Variants in KIDINS220 observed in about 807,000 individuals in gnomAD.
KIDINS220 encodes kinase D interacting substrate 220.
In KIDINS220, 63 loss-of-function variants were observed where a neutral mutation model predicts 157.6. The ratio of observed to expected loss-of-function variants is 0.40; its 90% confidence interval spans 0.33 to 0.49. KIDINS220 has a LOEUF of 0.49. Among genes scored for constraint, KIDINS220 ranks in the 20% least tolerant of loss-of-function variants. The pLI is 0.66. For missense variants in KIDINS220, 1,772 were observed against 2,171.2 expected, an observed-to-expected ratio of 0.82 and a Z score of 3.65; for synonymous variants, 732 against 783.6, an observed-to-expected ratio of 0.93 and a Z score of 1.10.
intron 11 of KIDINS220, among the ~76,000 whole-genome samples, chr2:8,794,662 T>C (rs891919586): frequency 3.0e-4 from 45 of 152,216 alleles, no homozygotes; most frequent in African/African-American, 1.1e-3. Flanking sequence ...CCAATCACAT[T>C]AGTGCTCACA....
intron 15 of KIDINS220, among the ~76,000 whole-genome samples, chr2:8,788,322 G>A (rs1172180094): frequency 6.6e-6 from 1 of 151,284 alleles, no homozygotes; most frequent in Non-Finnish European, 1.5e-5. Context: ...AGGCTGGAGT[G>A]CAATGGCGCG....
At chr2:8,763,196 G>A (rs1047414600) in intron 22 of KIDINS220, among the ~76,000 whole-genome samples, 1 of 152,184 alleles carries the variant, frequency 6.6e-6, no homozygotes, top group Non-Finnish European at 1.5e-5. Flanking sequence ...CAGGCTCCTG[G>A]CCCCAAGAAA....
At chr2:8,759,613 A>T (rs1016235859) in intron 22 of KIDINS220, among the ~76,000 whole-genome samples, 1 of 150,194 alleles carries the variant, frequency 6.7e-6, no homozygotes, top group African/African-American at 2.5e-5. Flanking sequence ...CAGGGAGGGT[A>T]AAAGATAAAA....
chr2:8,779,931 T>A (rs919763880), intron 17 of KIDINS220, 117 bp from the exon 18 acceptor site: 2 of 1,006,004 alleles, frequency 2.0e-6, no homozygotes, highest in African/African-American at 3.2e-5. Context: ...TTCAAAGTCC[T>A]TGCTGCCAGT....
intron 6 of KIDINS220, among the ~76,000 whole-genome samples, chr2:8,809,762 T>C (rs977973811): frequency 6.6e-6 from 1 of 151,846 alleles, no homozygotes; most frequent in African/African-American, 2.4e-5. Flanking sequence ...CATAGAAACC[T>C]CCCTATTTCT....
chr2:8,836,989 C>T (rs1680506320), intron 1 of KIDINS220, among the ~76,000 whole-genome samples: 1 of 152,046 alleles, frequency 6.6e-6, no homozygotes, highest in South Asian at 2.1e-4. Flanking sequence ...TTTTGCCAGG[C>T]GTTTAAAAGC....
At chr2:8,749,340 G>A (rs1264835308) in intron 24 of KIDINS220, 1 of 449,368 alleles carries the variant, frequency 2.2e-6, no homozygotes, top group Non-Finnish European at 4.5e-6. Flanking sequence ...ACTAAAGAGG[G>A]AGATAGCAAA....
intron 1 of KIDINS220, 73 bp from the exon 2 acceptor site, chr2:8,827,202 C>A: frequency 1.7e-6 from 1 of 603,106 alleles, no homozygotes; most frequent in South Asian, 2.3e-5. Flanking sequence ...CAATATCCTT[C>A]TTAACATTAA....
chr2:8,812,541 G>A, intron 5 of KIDINS220, 48 bp from the exon 6 acceptor site: 5 of 1,079,906 alleles, frequency 4.6e-6, no homozygotes, highest in South Asian at 1.8e-5. Flanking sequence ...TAGGAAGGAA[G>A]GAAAGAAAGA....
At chr2:8,757,628 A>G (rs1427270376) in intron 22 of KIDINS220, 1 of 1,607,382 alleles carries the variant, frequency 6.2e-7, no homozygotes, top group Non-Finnish European at 8.5e-7. Flanking sequence ...AGATAACCCA[A>G]GTGAATGTGC....
Position 8,779,714 on chromosome 2 carries a change from T to A in KIDINS220, c.2330A>T (p.Asp777Val). 1 of 1,614,172 alleles carries A rather than the reference T, an allele frequency of 6.2e-7. No individual in the cohort carries two copies. Among genetic ancestry groups the A allele is most frequent in the Non-Finnish European group, 8.5e-7 (1 of 1,180,008 alleles). The change falls in exon 18 of 30, where the codon GAT becomes GTT. Residue 777 changes from aspartate to valine, a missense_variant. Physicochemically the swap from Asp to Val is radical, Grantham distance 152. Transcript: ENST00000256707. Reference protein sequence around the residue: ...TRLVVIIDGLDACEQDKVLQM... With the variant: ...TRLVVIIDGLVACEQDKVLQM... The stretch of plus-strand genomic sequence containing the variant: ...AAGGACTTTGTCCTGCTCACAGGCA[T>A]CTAATCCATCGATGATGACCACCAG...
At chr2:8,772,657 T>G (rs1012363654) in intron 21 of KIDINS220, among the ~76,000 whole-genome samples, 3 of 152,216 alleles carry the variant, frequency 2.0e-5, no homozygotes, top group African/African-American at 7.2e-5. Context: ...TAAGATAATT[T>G]TTTAATCTTA....
At position 8,813,341 on chromosome 2, in the gene KIDINS220, C is replaced by CA; in HGVS notation, c.307-7dup. The CA allele has an allele frequency of 6.3e-7, 1 of 1,595,200 alleles. No individual in the cohort carries two copies. The highest frequency in any genetic ancestry group is 8.5e-7 in the Non-Finnish European group (1 of 1,169,840). ...ATAAGAGCTGTCCATCCTCCCTAAACAAAAAATGTAGGGGTAAGGGAATCA... is the reference window on the plus strand; with the variant it reads ...ATAAGAGCTGTCCATCCTCCCTAAACAAAAAAATGTAGGGGTAAGGGAATCA... On this transcript the variant is annotated splice_region_variant and splice_polypyrimidine_tract_variant and intron_variant, in intron 4 of 29. Transcript: ENST00000256707.
Position 8,729,313 on chromosome 2 carries a change from T to C in KIDINS220, c.*1407A>G. 1.0e-6 allele frequency: 1 copy of C among 985,426 alleles called. No homozygotes were observed. Among genetic ancestry groups the C allele is most frequent in the Non-Finnish European group, 1.2e-6 (1 of 829,926 alleles). 61.0% of individuals were successfully genotyped at this position (985,426 alleles called of 1,614,324 possible). ...GTAAATAACTTAATCAGCATATTAA[T>C]AAAAACCCACTGAGTGATAAACATC... On this transcript the variant is annotated 3_prime_UTR_variant, in exon 30 of 30. Transcript: ENST00000256707.
chr2:8,809,809 C>A (rs12476367), intron 6 of KIDINS220, among the ~76,000 whole-genome samples: 1 of 151,838 alleles, frequency 6.6e-6, no homozygotes, highest in Non-Finnish European at 1.5e-5. Flanking sequence ...TCAATCAATC[C>A]CACCGTGTAC....
intron 1 of KIDINS220, among the ~76,000 whole-genome samples, chr2:8,827,499 C>A (rs567917081): frequency 1.3e-5 from 2 of 152,272 alleles, no homozygotes; most frequent in African/African-American, 4.8e-5. Flanking sequence ...CTTCCTCTTA[C>A]ACCCTACACT....
chr2:8,724,347 C>G (rs1663148677), downstream of KIDINS220: 1 of 152,262 alleles, frequency 6.6e-6, no homozygotes, highest in South Asian at 2.1e-4. This position sits in a 1 kb window ranked among gnomAD's most constrained non-coding sequence, Gnocchi z 4.6. Context: ...CTCCCACGTT[C>G]AAGTGCTTCT....
rs973326712 is a variant in KIDINS220 at position 8,745,035 on chromosome 2, A to T, written c.3585+2110T>A. ...ATCACACGATTTCCCCTTCTCCAAA[A>T]ACTCATTTCAAAATTTGCCTAATGC... On this transcript the variant is annotated intron_variant, in intron 26 of 29. Transcript: ENST00000256707. Among the ~76,000 whole-genome samples, 3 of 152,186 alleles carry T rather than the reference A, an allele frequency of 2.0e-5. No homozygotes were observed. In the East Asian group the frequency reaches 5.8e-4, roughly 29 times the overall value.
intron 22 of KIDINS220, among the ~76,000 whole-genome samples, chr2:8,758,635 C>T (rs1668353083): frequency 6.6e-6 from 1 of 151,956 alleles, no homozygotes; most frequent in African/African-American, 2.4e-5. Flanking sequence ...TTTCTAGCTC[C>T]TCGAGGTGTT....
Sources: allele counts gnomAD v4.1 joint callset (sites outside exome capture counted in the v4.1 genomes callset), GRCh38; gene constraint gnomAD v4.1.1; non-coding constraint Gnocchi (gnomAD v3.1); transcripts MANE v1.5; gene names NCBI Gene and HGNC (gene_info 2026-07-23, HGNC 2026-07-21).